Variants in LIMK1 observed in about 807,000 individuals in gnomAD.
LIMK1 encodes LIM motif-containing protein kinase.
A neutral mutation model predicts 77.6 loss-of-function variants in LIMK1; 21 were observed. The ratio of observed to expected loss-of-function variants is 0.27; its 90% confidence interval spans 0.19 to 0.39. The LOEUF (loss-of-function observed/expected upper bound fraction) is 0.39, where lower values mean the gene tolerates loss of function less well. LIMK1 is among the 10% of genes least tolerant of loss of function. The pLI is 1.00. For synonymous variants in LIMK1, 358 were observed against 370.0 expected, an observed-to-expected ratio of 0.97 and a Z score of 0.37; for missense variants, 696 against 901.6, an observed-to-expected ratio of 0.77 and a Z score of 2.92.
chr7:74,107,263 T>G, intron 8 of LIMK1, 70 bp downstream of exon 8: 1 of 1,477,092 alleles, frequency 6.8e-7, no homozygotes, highest in Non-Finnish European at 9.1e-7. Flanking sequence ...CTTCCCAGTC[T>G]ATGGAAACAC....
At chr7:74,093,386 G>C in intron 2 of LIMK1, 1 of 1,475,014 alleles carries the variant, frequency 6.8e-7, no homozygotes, top group Non-Finnish European at 9.1e-7. Flanking sequence ...GACCCACCTA[G>C]GTCCAGGCTC....
Position 74,111,208 on chromosome 7 carries a change from G to A in LIMK1, c.1285-440G>A, listed in dbSNP as rs558704724. The A allele has an allele frequency of 2.4e-5, 4 of 167,646 alleles. No individual in the cohort carries two copies. The South Asian group carries it at 6.0e-4, about 25-fold the overall frequency. 10.4% of individuals were successfully genotyped at this position (167,646 alleles called of 1,614,324 possible). On this transcript the variant is annotated intron_variant, in intron 10 of 15. Coordinates refer to ENST00000336180, the MANE Select transcript of LIMK1 (RefSeq NM_002314.4). ...AATCCCAACACTGGGAGGCCAAGGT[G>A]GGCAGATCACCTGAGGTAAGGAGTT...
chr7:74,089,963 G>A (rs782439106), intron 2 of LIMK1, among the ~76,000 whole-genome samples: 2 of 152,138 alleles, frequency 1.3e-5, no homozygotes, highest in Non-Finnish European at 2.9e-5. Flanking sequence ...CCGTGTTACA[G>A]GATGGGTGTA....
At chr7:74,084,601 G>A (rs898494498) in intron 1 of LIMK1, among the ~76,000 whole-genome samples, 1 of 152,126 alleles carries the variant, frequency 6.6e-6, no homozygotes, top group African/African-American at 2.4e-5. Flanking sequence ...GAAGCCGGAG[G>A]CCGTGTACTG....
chr7:74,091,292 G>A (rs1381319361), intron 2 of LIMK1, among the ~76,000 whole-genome samples: 2 of 152,104 alleles, frequency 1.3e-5, no homozygotes, highest in African/African-American at 4.8e-5. Flanking sequence ...GGGAGGCTGA[G>A]GCAGGAGGAC....
chr7:74,099,029 C>G lies in LIMK1; in HGVS notation c.402-3C>G. Reference sequence around the variant, plus strand: ...TTTCTTCCCACCCCGGCGGCTCTTGCAGCGGGCACTGCTACTACCAGACTG... The same window carrying G: ...TTTCTTCCCACCCCGGCGGCTCTTGGAGCGGGCACTGCTACTACCAGACTG... On this transcript the variant is annotated splice_polypyrimidine_tract_variant and splice_region_variant and intron_variant, in intron 4 of 15. Transcript: ENST00000336180. The G allele has an allele frequency of 3.7e-6, 6 of 1,604,036 alleles. No individual in the cohort carries two copies. The highest frequency in any genetic ancestry group is 5.1e-6 in the Non-Finnish European group (6 of 1,174,598).
chr7:74,095,460 G>A (rs910811298), intron 2 of LIMK1, among the ~76,000 whole-genome samples: 9 of 152,184 alleles, frequency 5.9e-5, no homozygotes, highest in African/African-American at 2.2e-4. Context: ...CAGCTGGAGT[G>A]CAGTGGTGTA....
At chr7:74,099,356 G>A (rs558423798) in intron 5 of LIMK1, 118 bp downstream of exon 5, 2 of 978,612 alleles carry the variant, frequency 2.0e-6, no homozygotes, top group Admixed American at 2.1e-5. Flanking sequence ...TACAGATGGG[G>A]CCCAGTTCTG....
At chr7:74,085,956 T>A in intron 2 of LIMK1, 112 bp downstream of exon 2, 1 of 721,446 alleles carries the variant, frequency 1.4e-6, no homozygotes, top group Non-Finnish European at 2.4e-6. Flanking sequence ...CGTCCCCTAT[T>A]GTGACTTCGT....
Position 74,106,001 on chromosome 7 carries a change from G to T in LIMK1, c.714+21G>T, listed in dbSNP as rs782183166. ...ACGAGGTACGGTCCTGAGTCTGTGG[G>T]GCAGGACGGGAGGTAGTGCCTTCAT... On this transcript the variant is annotated intron_variant, in intron 6 of 15. Transcript: ENST00000336180. 11 of 1,613,094 alleles carry T rather than the reference G, an allele frequency of 6.8e-6. No individual in the cohort carries two copies. In the East Asian group the frequency reaches 2.5e-4, roughly 36 times the overall value.
In LIMK1 at chr7:74,106,106, C is replaced by G; in HGVS notation, c.744C>G (p.Arg248=). 6.2e-7 allele frequency: 1 copy of G among 1,614,142 alleles called. No homozygotes were observed. The highest frequency in any genetic ancestry group is 8.5e-7 in the Non-Finnish European group (1 of 1,180,028). ...EIDLLIQETS[R]LLQLTLEHDP... ...ACCTGCTGATTCAGGAAACCAGCCGCCTGCTCCAGCTGACCCTCGAGCATG... is the reference window on the plus strand; with the variant it reads ...ACCTGCTGATTCAGGAAACCAGCCGGCTGCTCCAGCTGACCCTCGAGCATG... The change falls in exon 7 of 16, where the codon CGC becomes CGG. Residue 248 remains arginine, a synonymous_variant. Coordinates refer to ENST00000336180, the MANE Select transcript of LIMK1 (RefSeq NM_002314.4).
At chr7:74,109,999 G>A (rs1208795967) in intron 10 of LIMK1, 1 of 152,118 alleles carries the variant, frequency 6.6e-6, no homozygotes, top group Non-Finnish European at 1.5e-5. Context: ...GGACCCTATG[G>A]GCTCCTGCTA....
chr7:74,099,266 G>C (rs568492420), intron 5 of LIMK1, 28 bp downstream of exon 5: 1 of 1,595,836 alleles, frequency 6.3e-7, no homozygotes, highest in South Asian at 1.1e-5. Context: ...CGAGGCTGCC[G>C]TCGGTGTGGC....
Position 74,099,378 on chromosome 7 carries a change from T to C in LIMK1, c.608+140T>C, listed in dbSNP as rs868961758. On this transcript the variant is annotated intron_variant, in intron 5 of 15. Transcript: ENST00000336180. ...GGGGCCCAGTTCTGACAACCTGGTT[T>C]GCCAGATTTCTGGCCCAGTCATTCC... The C allele has an allele frequency of 6.4e-6, 5 of 786,486 alleles. No individual in the cohort carries two copies. In the Middle Eastern group the frequency reaches 1.1e-3, roughly 179 times the overall value. The allele number at this position is 786,486 out of a possible 1,614,324, so 48.7% of individuals were successfully genotyped here. A position where few individuals can be genotyped will look rare whatever the true frequency, so the allele number is the denominator to read the frequency against.
chr7:74,086,823 G>C (rs567669362), intron 2 of LIMK1, among the ~76,000 whole-genome samples: 1 of 152,286 alleles, frequency 6.6e-6, no homozygotes, highest in Non-Finnish European at 1.5e-5. Context: ...CTCTTGCAGG[G>C]AGGGAAGACA....
At chr7:74,113,593 C>G (rs1220572317) in intron 12 of LIMK1, among the ~76,000 whole-genome samples, 2 of 152,004 alleles carry the variant, frequency 1.3e-5, no homozygotes, top group Non-Finnish European at 2.9e-5. Context: ...CCACTGCACT[C>G]CAGCCTGGGT....
chr7:74,104,353 A>C (rs530540121), intron 5 of LIMK1, among the ~76,000 whole-genome samples: 2 of 152,020 alleles, frequency 1.3e-5, no homozygotes, highest in Non-Finnish European at 2.9e-5. Context: ...GCAAAATGAA[A>C]ACCAGCTCAC....
At chr7:74,098,605 G>A (rs1799382334) in intron 4 of LIMK1, among the ~76,000 whole-genome samples, 1 of 152,154 alleles carries the variant, frequency 6.6e-6, no homozygotes, top group South Asian at 2.1e-4. Flanking sequence ...CCAGCACTTT[G>A]GGAGGCCAAG....
At chr7:74,099,791 C>T (rs1358601425) in intron 5 of LIMK1, among the ~76,000 whole-genome samples, 3 of 151,934 alleles carry the variant, frequency 2.0e-5, no homozygotes, top group African/African-American at 7.3e-5. Flanking sequence ...TAGTCCATGT[C>T]TGATCCAACA....
Sources: gnomAD v4.1 joint callset for allele counts (sites outside exome capture counted in the v4.1 genomes callset) on GRCh38, gnomAD v4.1.1 for gene constraint, MANE v1.5 for transcripts, NCBI Gene and HGNC (gene_info 2026-07-23, HGNC 2026-07-21) for gene names.